The following NLGN1 variants were observed in gnomAD, a reference collection of about 807,000 sequenced individuals.
NLGN1 encodes neuroligin-1.
In NLGN1, 12 loss-of-function variants were observed where a neutral mutation model predicts 65.5. That is an observed-to-expected ratio of 0.18 (90% CI 0.12 to 0.30). The LOEUF (loss-of-function observed/expected upper bound fraction) is 0.30, where lower values mean the gene tolerates loss of function less well. NLGN1 is among the 10% of genes least tolerant of loss of function. The pLI is 1.00. For synonymous variants in NLGN1, 350 were observed against 359.5 expected (o/e 0.97, Z 0.30); for missense variants, 750 against 1,007.1 (o/e 0.74, Z 3.46).
intron 2 of NLGN1, among the ~76,000 whole-genome samples, chr3:173,520,071 C>G (rs958438606): frequency 3.3e-5 from 5 of 152,106 alleles, no homozygotes; most frequent in African/African-American, 1.2e-4. Flanking sequence ...GTAGCACCTT[C>G]CTCCTCTCTC....
chr3:173,424,274 A>G (rs1715691633), intron 1 of NLGN1, among the ~76,000 whole-genome samples: 1 of 152,174 alleles, frequency 6.6e-6, no homozygotes, highest in African/African-American at 2.4e-5. Context: ...GCTGCTCTGA[A>G]GGTCTCTGAC....
At chr3:174,138,262 A>T (rs1721588105) in intron 4 of NLGN1, among the ~76,000 whole-genome samples, 1 of 152,138 alleles carries the variant, frequency 6.6e-6, no homozygotes, top group African/African-American at 2.4e-5. Flanking sequence ...GTCTCTTGGT[A>T]AGTCAATTCA....
At chr3:173,606,822 A>T (rs1560041361) in intron 3 of NLGN1, among the ~76,000 whole-genome samples, 1 of 151,952 alleles carries the variant, frequency 6.6e-6, no homozygotes, top group African/African-American at 2.4e-5. Flanking sequence ...AAGAAGATGG[A>T]TATGGAGGCA....
chr3:173,616,811 C>T (rs918276867), intron 3 of NLGN1, among the ~76,000 whole-genome samples: 10 of 152,198 alleles, frequency 6.6e-5, no homozygotes, highest in African/African-American at 2.2e-4. Context: ...CACATAGCAG[C>T]CAGTGTGATC....
At chr3:174,079,859 G>T (rs574685573) in intron 4 of NLGN1, among the ~76,000 whole-genome samples, 1 of 151,966 alleles carries the variant, frequency 6.6e-6, no homozygotes, top group South Asian at 2.1e-4. Flanking sequence ...CTCATAGAGG[G>T]GACCTACACA....
intron 4 of NLGN1, among the ~76,000 whole-genome samples, chr3:174,107,318 T>C (rs1714167529): frequency 6.6e-6 from 1 of 152,148 alleles, no homozygotes; most frequent in Non-Finnish European, 1.5e-5. Flanking sequence ...CAACCACTAC[T>C]CTGTTCTTCA....
At chr3:173,951,013 T>C (rs1419539799) in intron 4 of NLGN1, among the ~76,000 whole-genome samples, 1 of 151,574 alleles carries the variant, frequency 6.6e-6, no homozygotes, top group African/African-American at 2.4e-5. Context: ...ACTACAGGAG[T>C]GCGCCACCAT....
chr3:173,653,440 C>G (rs906574436), intron 3 of NLGN1, among the ~76,000 whole-genome samples: 1 of 152,068 alleles, frequency 6.6e-6, no homozygotes, highest in African/African-American at 2.4e-5. Context: ...TAAGGGTCTT[C>G]ATCATGAAGG....
chr3:173,685,560 A>T, intron 3 of NLGN1: 2 of 766,364 alleles, frequency 2.6e-6, no homozygotes, highest in East Asian at 1.3e-4. Flanking sequence ...GCTGCCAGGC[A>T]GTCATCAAAT....
At chr3:173,831,162 A>G (rs1293325825) in intron 4 of NLGN1, among the ~76,000 whole-genome samples, 1 of 152,166 alleles carries the variant, frequency 6.6e-6, no homozygotes, top group African/African-American at 2.4e-5. Flanking sequence ...GTGTATATGT[A>G]CCACATTTTC....
intron 4 of NLGN1, among the ~76,000 whole-genome samples, chr3:173,918,690 GTGTGTGTGTGTGTATA>G (rs1560628994): frequency 7.3e-6 from 1 of 136,786 alleles, no homozygotes; most frequent in African/African-American, 2.9e-5. Context: ...GTGTGTGTGT[GTGTGTGTGTGTGTATA>G]TATATATATT....
intron 3 of NLGN1, among the ~76,000 whole-genome samples, chr3:173,742,728 G>A (rs1044131342): frequency 2.0e-5 from 3 of 151,804 alleles, no homozygotes; most frequent in Non-Finnish European, 4.4e-5. Flanking sequence ...TTTTACTTTC[G>A]ATTTGTGCTA....
Position 173,723,152 on chromosome 3 carries a change from T to A in NLGN1, c.494-84528T>A, listed in dbSNP as rs552064428. 2.6e-5 allele frequency among the ~76,000 whole-genome samples: 4 copies of A among 152,288 alleles called. 1 individual carries two copies. The South Asian group carries it at 8.3e-4, about 32-fold the overall frequency. On this transcript the variant is annotated intron_variant, in intron 3 of 6. Coordinates refer to ENST00000457714, the Ensembl canonical transcript of NLGN1. ...TTGAAGGCCATTGCGGCTAGAGCTATGTGAGCAAAGGGGAGAATTTTCAGA... is the reference window on the plus strand; with the variant it reads ...TTGAAGGCCATTGCGGCTAGAGCTAAGTGAGCAAAGGGGAGAATTTTCAGA...
chr3:174,033,883 A>T (rs2152477922), intron 4 of NLGN1, among the ~76,000 whole-genome samples: 1 of 152,322 alleles, frequency 6.6e-6, no homozygotes, highest in Non-Finnish European at 1.5e-5. Context: ...AGCAGAAGAT[A>T]TCCTGAAAGT....
intron 3 of NLGN1, among the ~76,000 whole-genome samples, chr3:173,732,644 GT>G (rs1773032736): frequency 6.6e-6 from 1 of 152,072 alleles, no homozygotes; most frequent in Admixed American, 6.6e-5. Flanking sequence ...GAGGCAAAAA[GT>G]GACGGTTTTT....
chr3:173,582,438 TC>T (rs1438634792), intron 2 of NLGN1, among the ~76,000 whole-genome samples: 3 of 152,206 alleles, frequency 2.0e-5, no homozygotes, highest in African/African-American at 7.2e-5. Flanking sequence ...CTCTGTAATT[TC>T]TTCACATTTT....
At chr3:173,946,146 A>G (rs974128202) in intron 4 of NLGN1, among the ~76,000 whole-genome samples, 6 of 152,244 alleles carry the variant, frequency 3.9e-5, no homozygotes, top group Non-Finnish European at 7.3e-5. Context: ...TTAGAAATGC[A>G]AATTATTTTT....
intron 4 of NLGN1, among the ~76,000 whole-genome samples, chr3:174,038,826 C>T (rs907577332): frequency 6.6e-6 from 1 of 152,198 alleles, no homozygotes; most frequent in African/African-American, 2.4e-5. Context: ...ACCCTTCACA[C>T]TCTTCAAAGT....
intron 4 of NLGN1, among the ~76,000 whole-genome samples, chr3:174,082,045 A>G (rs920241606): frequency 3.3e-5 from 5 of 152,220 alleles, no homozygotes; most frequent in African/African-American, 1.2e-4. Flanking sequence ...TGAAAAATGT[A>G]CAATGGCTGC....
Sources: allele counts gnomAD v4.1 joint callset (sites outside exome capture counted in the v4.1 genomes callset), GRCh38; gene constraint gnomAD v4.1.1; transcripts MANE v1.5; gene names NCBI Gene and HGNC (gene_info 2026-07-23, HGNC 2026-07-21).